Variants in DCDC1 observed in about 807,000 individuals in gnomAD.
The protein encoded by DCDC1 is doublecortin domain-containing protein 1.
Under a neutral mutation model 178.3 loss-of-function variants are expected in DCDC1, and 200 were observed. The ratio of observed to expected loss-of-function variants is 1.12; its 90% CI spans 1.00 to 1.26. DCDC1 has a LOEUF of 1.26. Ranked by LOEUF, DCDC1 falls within the 50% of genes most tolerant of loss-of-function variation. DCDC1 has a pLI of 0.00. For missense variants in DCDC1, 1,983 were observed against 1,749.2 expected (o/e 1.13, Z -2.38); for synonymous variants, 690 against 604.8 (o/e 1.14, Z -2.07).
chr11:31,329,707 T>C lies in DCDC1; in HGVS notation c.-6-1421A>G, dbSNP rs181011282. On this transcript the variant is annotated intron_variant, in intron 2 of 38. Coordinates refer to ENST00000684477, the MANE Select transcript of DCDC1 (RefSeq NM_001387274.1). ...GAATGATGCTTTCCAGCTTCATCCA[T>C]GTCCCTACAAAGGACATGAACTCAT... is the stretch of plus-strand genomic sequence containing the variant. Among the ~76,000 whole-genome samples the C allele has an allele frequency of 8.1e-3, 1,232 of 152,302 alleles. 22 individuals are homozygous for C. Among genetic ancestry groups the C allele is most frequent in the African/African-American group, 0.028 (1,177 of 41,556 alleles).
intron 20 of DCDC1, among the ~76,000 whole-genome samples, chr11:31,051,865 G>C (rs998402871): frequency 1.6e-4 from 25 of 152,012 alleles, no homozygotes; most frequent in African/African-American, 6.0e-4. Flanking sequence ...CATAAAAACA[G>C]AACATCTTTA....
intron 9 of DCDC1, among the ~76,000 whole-genome samples, chr11:31,150,394 T>G (rs946357023): frequency 1.3e-4 from 20 of 152,172 alleles, no homozygotes; most frequent in Admixed American, 9.8e-4. Flanking sequence ...TATCATTACA[T>G]TAAATGAAAA....
At chr11:31,306,521 A>G (rs940170536) in intron 4 of DCDC1, 133 bp from the exon 5 acceptor site, 1 of 887,640 alleles carries the variant, frequency 1.1e-6, no homozygotes, top group African/African-American at 1.7e-5. Context: ...ATACCTAACA[A>G]AACTTTTTAT....
At chr11:31,066,348 GCAGA>G (rs2135495901) in intron 18 of DCDC1, among the ~76,000 whole-genome samples, 1 of 152,252 alleles carries the variant, frequency 6.6e-6, no homozygotes, top group African/African-American at 2.4e-5. Flanking sequence ...AGATGAGGAA[GCAGA>G]CACAGGGAAG....
chr11:31,044,720 C>G (rs1049595284), intron 20 of DCDC1, among the ~76,000 whole-genome samples: 27 of 152,192 alleles, frequency 1.8e-4, no homozygotes, highest in African/African-American at 6.5e-4. Context: ...ACAGTCCAGC[C>G]TAGCTAACAC....
chr11:30,899,605 C>G lies in DCDC1; in HGVS notation c.4701G>C (p.Trp1567Cys), dbSNP rs75606205. The G allele has an allele frequency of 7.7e-4, 1,215 of 1,574,150 alleles. 12 individuals are homozygous for G. The African/African-American group carries it at 0.014, about 18-fold the overall frequency. ...QKAEKLEKQN[W>C]LKKDRILADL... Reference sequence around the variant, plus strand: ...CAGCCAAAATTCTGTCCTTTTTTAGCCAGTTCTGTTTCTCTAATTTTTCTG... The same window carrying G: ...CAGCCAAAATTCTGTCCTTTTTTAGGCAGTTCTGTTTCTCTAATTTTTCTG... The change falls in exon 34 of 39, where the codon TGG becomes TGC. Residue 1567 changes from tryptophan to cysteine, a missense_variant. By Grantham distance (215) the Trp-to-Cys change is radical. Transcript: ENST00000684477.
At chr11:31,162,069 A>C (rs1225264892) in intron 9 of DCDC1, among the ~76,000 whole-genome samples, 1 of 152,204 alleles carries the variant, frequency 6.6e-6, no homozygotes, top group Non-Finnish European at 1.5e-5. Flanking sequence ...AATAATAGTT[A>C]ATCTCATGTT....
intron 38 of DCDC1, among the ~76,000 whole-genome samples, chr11:30,868,733 T>C (rs1220027832): frequency 6.6e-6 from 1 of 152,200 alleles, no homozygotes; most frequent in Non-Finnish European, 1.5e-5. Context: ...CAGAGATCAG[T>C]CTGGGTCACC....
chr11:31,019,561 T>C (rs1179847241), intron 20 of DCDC1, among the ~76,000 whole-genome samples: 2 of 152,132 alleles, frequency 1.3e-5, no homozygotes, highest in African/African-American at 2.4e-5. Flanking sequence ...ACAAGAATTG[T>C]TTTTATATTT....
intron 9 of DCDC1, among the ~76,000 whole-genome samples, chr11:31,234,536 T>C (rs927503158): frequency 7.2e-5 from 11 of 152,318 alleles, no homozygotes; most frequent in Admixed American, 2.0e-4. Context: ...CTAGCAATCA[T>C]TGACAACACT....
At chr11:31,208,370 T>C (rs1972106184) in intron 9 of DCDC1, among the ~76,000 whole-genome samples, 1 of 152,178 alleles carries the variant, frequency 6.6e-6, no homozygotes, top group Admixed American at 6.5e-5. Context: ...CAATGGTAGA[T>C]TCTTTCAGGA....
At chr11:30,973,682 A>T (rs1233530326) in intron 20 of DCDC1, among the ~76,000 whole-genome samples, 1 of 152,206 alleles carries the variant, frequency 6.6e-6, no homozygotes, top group Non-Finnish European at 1.5e-5. Flanking sequence ...AAAGTGATCA[A>T]TTCAGTAAGA....
chr11:30,997,501 T>C (rs1951335431), intron 20 of DCDC1, among the ~76,000 whole-genome samples: 1 of 152,146 alleles, frequency 6.6e-6, no homozygotes, highest in East Asian at 1.9e-4. Context: ...GTCTAGATAT[T>C]GAAAGGCCAT....
intron 9 of DCDC1, among the ~76,000 whole-genome samples, chr11:31,223,823 A>G (rs1974572122): frequency 6.6e-6 from 1 of 152,164 alleles, no homozygotes; most frequent in African/African-American, 2.4e-5. Flanking sequence ...ACATATAAAT[A>G]TGAACGTATA....
intron 12 of DCDC1, among the ~76,000 whole-genome samples, chr11:31,107,274 G>C (rs1320640639): frequency 6.6e-6 from 1 of 152,078 alleles, no homozygotes; most frequent in Non-Finnish European, 1.5e-5. Flanking sequence ...ACATGGTAAC[G>C]GTCCTCTTTG....
chr11:31,309,121 C>T lies in DCDC1; in HGVS notation c.165-1213G>A, dbSNP rs917961213. ...TCTGAAAAAATGAATGGTAGTCACA[C>T]ATCAGAGGGAAAATAGATGTTTGTG... On this transcript the variant is annotated intron_variant, in intron 3 of 38. Transcript: ENST00000684477. 4.7e-4 allele frequency among the ~76,000 whole-genome samples: 68 copies of T among 144,378 alleles called. 1 individual carries two copies. Among genetic ancestry groups the T allele is most frequent in the African/African-American group, 1.7e-3 (66 of 39,308 alleles). The allele number at this position is 144,378 out of a possible 152,430, so 94.7% of individuals were successfully genotyped here.
At chr11:31,295,324 C>T (rs766676898) in intron 6 of DCDC1, among the ~76,000 whole-genome samples, 7 of 151,924 alleles carry the variant, frequency 4.6e-5, no homozygotes, top group Non-Finnish European at 4.4e-5. Context: ...ATGCAGAACC[C>T]GTGGATACAG....
At chr11:31,220,780 A>G (rs1974176492) in intron 9 of DCDC1, among the ~76,000 whole-genome samples, 1 of 152,196 alleles carries the variant, frequency 6.6e-6, no homozygotes, top group Non-Finnish European at 1.5e-5. Context: ...AGCTTAAACA[A>G]CAGCAATTTA....
intron 8 of DCDC1, among the ~76,000 whole-genome samples, chr11:31,251,615 C>CAG (rs142524213): frequency 1.9e-3 from 282 of 147,874 alleles, no homozygotes; most frequent in African/African-American, 4.8e-3. Context: ...GACAGAGAAA[C>CAG]AGAGAGAGAG....
Sources: gnomAD v4.1 joint callset for allele counts (sites outside exome capture counted in the v4.1 genomes callset) on GRCh38, gnomAD v4.1.1 for gene constraint, MANE v1.5 for transcripts, NCBI Gene and HGNC (gene_info 2026-07-23, HGNC 2026-07-21) for gene names.